Variants in ITGAM observed in about 807,000 individuals in gnomAD.
ITGAM encodes the protein integrin subunit alpha M, also known as integrin alpha-M.
In ITGAM, 79 loss-of-function variants were observed where a neutral mutation model predicts 137.5. The ratio of observed to expected loss-of-function variants is 0.57; its 90% CI spans 0.48 to 0.69. The LOEUF is 0.69. ITGAM is among the 30% of genes least tolerant of loss of function. The pLI is 0.00. For missense variants in ITGAM, 1,343 were observed against 1,483.5 expected (o/e 0.91, Z 1.56); for synonymous variants, 583 against 592.3 (o/e 0.98, Z 0.23).
Position 31,325,490 on chromosome 16 carries a change from T to G in ITGAM, c.2506-10T>G. On this transcript the variant is annotated splice_polypyrimidine_tract_variant and intron_variant, in intron 20 of 29. Transcript: ENST00000544665. ...TGGATATCACCGCCTTTGCCTCCCC[T>G]GCCTTCCAGAACCAGCGCTCACAGC... The G allele has an allele frequency of 6.2e-7, 1 of 1,613,868 alleles. No individual in the cohort carries two copies. Among genetic ancestry groups the G allele is most frequent in the Non-Finnish European group, 8.5e-7 (1 of 1,179,836 alleles).
intron 14 of ITGAM, among the ~76,000 whole-genome samples, chr16:31,311,117 G>A (rs979605385): frequency 1.6e-4 from 25 of 152,166 alleles, no homozygotes; most frequent in African/African-American, 3.6e-4. Flanking sequence ...TCCTTACACC[G>A]TATACAAAAA....
chr16:31,281,458 G>T (rs2079968359), intron 12 of ITGAM, among the ~76,000 whole-genome samples: 1 of 152,224 alleles, frequency 6.6e-6, no homozygotes, highest in South Asian at 2.1e-4. Flanking sequence ...GAGGGTGTAT[G>T]TGTCCAGGAA....
intron 12 of ITGAM, among the ~76,000 whole-genome samples, chr16:31,288,400 T>A (rs1465927843): frequency 6.6e-6 from 1 of 152,164 alleles, no homozygotes; most frequent in Non-Finnish European, 1.5e-5. Context: ...TACTGGTTTT[T>A]AAATTTAAAT....
intron 14 of ITGAM, among the ~76,000 whole-genome samples, chr16:31,318,458 C>T (rs867245580): frequency 6.6e-6 from 1 of 151,748 alleles, no homozygotes; most frequent in African/African-American, 2.4e-5. Flanking sequence ...ATTCTCCTGC[C>T]TCAGGCTCCT....
At position 31,276,669 on chromosome 16, in the gene ITGAM, A is replaced by G. The variant is rs770972306; in HGVS notation, c.1010-2A>G. 1 of 1,607,908 alleles carries G rather than the reference A, an allele frequency of 6.2e-7. No individual in the cohort carries two copies. The highest frequency in any genetic ancestry group is 8.5e-7 in the Non-Finnish European group (1 of 1,176,272). On this transcript the variant is annotated splice_acceptor_variant, in intron 9 of 29. Transcript: ENST00000544665. LOFTEE classifies it high-confidence loss of function. Reference sequence around the variant, plus strand: ...TAATATAGAAACTTCTCCTCTTTACAGGTACTCAGACAGGAAGTAGCAGCT... The same window carrying G: ...TAATATAGAAACTTCTCCTCTTTACGGGTACTCAGACAGGAAGTAGCAGCT...
chr16:31,299,379 G>A (rs1567266249), intron 14 of ITGAM, among the ~76,000 whole-genome samples: 2 of 151,970 alleles, frequency 1.3e-5, no homozygotes, highest in African/African-American at 2.4e-5. Context: ...GCACAATCTC[G>A]GCTCACTGCA....
chr16:31,290,593 A>G (rs2080077658), intron 12 of ITGAM, among the ~76,000 whole-genome samples: 1 of 152,202 alleles, frequency 6.6e-6, no homozygotes, highest in Non-Finnish European at 1.5e-5. Flanking sequence ...CCTCAAGCTG[A>G]AAAAGAGCAT....
rs891401403 is a variant in ITGAM at position 31,324,697 on chromosome 16, T to C, written c.2204T>C (p.Phe735Ser). 1.2e-6 allele frequency: 2 copies of C among 1,601,852 alleles called. No individual in the cohort carries two copies. The highest frequency in any genetic ancestry group is 2.7e-5 in the African/African-American group (2 of 74,300). ...AGCCCCATTGTGCTGCGCCTGAACT[T>C]CTCTCTGGTGGGAACGCCATTGTCT... is the stretch of plus-strand genomic sequence containing the variant. ...PVSPIVLRLN[F>S]SLVGTPLSAF... Residue 735 changes from phenylalanine (F) to serine (S), a missense_variant, in exon 18 of 30, where the codon TTC (phenylalanine) becomes TCC (serine). Phe to Ser is a radical substitution (Grantham distance 155). Coordinates refer to ENST00000544665, the MANE Select transcript of ITGAM (RefSeq NM_000632.4). The surrounding 1 kb of genome is among the most constrained non-coding windows in gnomAD (Gnocchi z 4.5).
intron 14 of ITGAM, among the ~76,000 whole-genome samples, chr16:31,320,391 G>C (rs1274132880): frequency 6.6e-6 from 1 of 152,006 alleles, no homozygotes; most frequent in Non-Finnish European, 1.5e-5. Context: ...CAATTCACTT[G>C]CATTAAGGAC....
intron 2 of ITGAM, among the ~76,000 whole-genome samples, chr16:31,265,014 CGCA>C (rs931076806): frequency 6.6e-6 from 1 of 152,018 alleles, no homozygotes; most frequent in Admixed American, 6.6e-5. Flanking sequence ...ATTACAGGTA[CGCA>C]CCACCACGTG....
intron 11 of ITGAM, among the ~76,000 whole-genome samples, 177 bp from the exon 12 acceptor site, chr16:31,277,790 G>T (rs1472058626): frequency 1.3e-5 from 2 of 152,142 alleles, no homozygotes; most frequent in Non-Finnish European, 2.9e-5. Flanking sequence ...ACCGCACCCG[G>T]CCAGAAACTT....
At chr16:31,297,716 T>C (rs376241504) in intron 13 of ITGAM, 29 bp from the exon 14 acceptor site, 6 of 1,583,392 alleles carry the variant, frequency 3.8e-6, no homozygotes, top group African/African-American at 1.4e-5. Flanking sequence ...TCGCCTGGGT[T>C]GGGGCCTGAT....
chr16:31,324,477 CAA>C lies in ITGAM; in HGVS notation c.2083_2084del (p.Lys695GlufsTer17). 6.3e-7 allele frequency: 1 copy of C among 1,586,804 alleles called. No individual in the cohort carries two copies. The highest frequency in any genetic ancestry group is 8.6e-7 in the Non-Finnish European group (1 of 1,166,938). The stretch of plus-strand genomic sequence containing the variant: ...CATTCCCGCGCCGTCTTCAATGAGA[CAA>C]AGAACAGCACACGCAGACAGACACA... On this transcript the variant is annotated frameshift_variant, in exon 17 of 30. Coordinates refer to ENST00000544665, the MANE Select transcript of ITGAM (RefSeq NM_000632.4). LOFTEE classifies it high-confidence loss of function. The surrounding 1 kb of genome is among the most constrained non-coding windows in gnomAD (Gnocchi z 4.5).
rs750398447 is a variant in ITGAM, at chr16:31,277,019, G to A, written c.1183G>A (p.Val395Met). 2 of 1,613,072 alleles carry A rather than the reference G, an allele frequency of 1.2e-6. No homozygotes were observed. The highest frequency in any genetic ancestry group is 1.7e-4 in the Middle Eastern group (1 of 6,058). Reference protein sequence around the residue: ...EKSTFINMTRVDSDMNDAYLG... With the variant: ...EKSTFINMTRMDSDMNDAYLG... ...AAGCACCTTCATCAACATGACCAGA[G>A]TGGATTCAGACATGAATGATGCTTA... Residue 395 changes from valine (V) to methionine (M), a missense_variant, in exon 11 of 30, where the codon GTG becomes ATG. Coordinates refer to ENST00000544665, the MANE Select transcript of ITGAM (RefSeq NM_000632.4).
intron 14 of ITGAM, among the ~76,000 whole-genome samples, chr16:31,320,870 G>A (rs1489713568): frequency 1.3e-5 from 2 of 152,148 alleles, no homozygotes; most frequent in African/African-American, 4.8e-5. Flanking sequence ...GCAGGGAAAT[G>A]CAGGTAATTA....
chr16:31,331,305 C>T (rs2080579712), intron 29 of ITGAM, 30 bp downstream of exon 29: 2 of 1,240,950 alleles, frequency 1.6e-6, no homozygotes, highest in Non-Finnish European at 1.2e-6. Flanking sequence ...CACCCCCTCC[C>T]TTCATCCTCT....
At chr16:31,317,525 C>T (rs1008227898) in intron 14 of ITGAM, among the ~76,000 whole-genome samples, 3 of 152,110 alleles carry the variant, frequency 2.0e-5, no homozygotes, top group African/African-American at 7.2e-5. Flanking sequence ...TCTGCTTGCA[C>T]CTTGATTTTG....
chr16:31,324,405 T>A lies in ITGAM; in HGVS notation c.2009T>A (p.Ile670Asn), dbSNP rs1208620644. 3.2e-6 allele frequency: 5 copies of A among 1,551,794 alleles called. No individual in the cohort carries two copies. The Admixed American group carries it at 5.9e-5, about 18-fold the overall frequency. ...TGCCACCCTGTCCCTTCAGGACAGA[T>A]CCAGAGTGTTGTGACTTATGACCTG... ...STRDRLREGQ[I>N]QSVVTYDLAL... is the part of the protein sequence containing the mutation. The change falls in exon 17 of 30, where the codon ATC becomes AAC. Residue 670 changes from isoleucine (I) to asparagine (N), a missense_variant. Ile to Asn is a moderately radical substitution (Grantham distance 149). Coordinates refer to ENST00000544665, the MANE Select transcript of ITGAM (RefSeq NM_000632.4). This position sits in a 1 kb window ranked among gnomAD's most constrained non-coding sequence, Gnocchi z 4.5.
At chr16:31,304,695 G>A (rs1473313518) in intron 14 of ITGAM, among the ~76,000 whole-genome samples, 1 of 152,126 alleles carries the variant, frequency 6.6e-6, no homozygotes, top group East Asian at 1.9e-4. Flanking sequence ...TGTTTTCCCA[G>A]CGCCATTTAC....
Sources: allele counts gnomAD v4.1 joint callset (sites outside exome capture counted in the v4.1 genomes callset), GRCh38; gene constraint gnomAD v4.1.1; non-coding constraint Gnocchi (gnomAD v3.1); transcripts MANE v1.5; gene names NCBI Gene and HGNC (gene_info 2026-07-23, HGNC 2026-07-21).